The following WDR44 variants were observed in gnomAD, a reference collection of about 807,000 sequenced individuals.
The protein encoded by WDR44 is WD repeat domain 44.
WDR44 carries 9 observed loss-of-function variants against 65.7 expected under a neutral mutation model. The ratio of observed to expected loss-of-function variants is 0.14; its 90% confidence interval spans 0.08 to 0.24. WDR44 has a LOEUF of 0.24. WDR44 is among the 10% of genes least tolerant of loss of function. WDR44 has a pLI of 1.00. For synonymous variants in WDR44, 220 were observed against 235.2 expected (o/e 0.94, Z 0.59); for missense variants, 425 against 670.9 (o/e 0.63, Z 4.05).
intron 14 of WDR44, among the ~76,000 whole-genome samples, chrX:118,441,122 G>A (rs1354708779): frequency 9.2e-6 from 1 of 108,660 alleles, no homozygotes; most frequent in East Asian, 2.9e-4. Context: ...ACCATGCCCA[G>A]CTAATTTTTA....
At chrX:118,447,879 T>TAC (rs1303145973) in intron 19 of WDR44, among the ~76,000 whole-genome samples, 46 of 42,128 alleles carry the variant, frequency 1.1e-3, no homozygotes, top group Middle Eastern at 0.01. Flanking sequence ...ATCTAAAATA[T>TAC]ATATATATAT....
chrX:118,448,780 G>T, intron 19 of WDR44, 113 bp from the exon 20 acceptor site: 1 of 415,215 alleles, frequency 2.4e-6, no homozygotes. Context: ...CTGAAAAGGT[G>T]GGGAGATGAT....
intron 1 of WDR44, among the ~76,000 whole-genome samples, chrX:118,371,608 T>A (rs2147678781): frequency 8.9e-6 from 1 of 111,871 alleles, no homozygotes; most frequent in Non-Finnish European, 1.9e-5. Context: ...TCTTGAAATT[T>A]GTATTTTTGT....
chrX:118,378,902 G>C (rs911599417), intron 2 of WDR44, among the ~76,000 whole-genome samples: 3 of 107,522 alleles, frequency 2.8e-5, no homozygotes, highest in Non-Finnish European at 5.7e-5. Context: ...AAATTATCCA[G>C]GTGTGGTGGC....
At chrX:118,375,273 T>G (rs2056647457) in intron 1 of WDR44, among the ~76,000 whole-genome samples, 1 of 111,202 alleles carries the variant, frequency 9.0e-6, no homozygotes, top group Admixed American at 9.6e-5. Context: ...GTTTCTTCCC[T>G]TCTCTACCTC....
At chrX:118,426,935 G>A (rs2057162116) in intron 12 of WDR44, among the ~76,000 whole-genome samples, 1 of 111,125 alleles carries the variant, frequency 9.0e-6, no homozygotes, top group Non-Finnish European at 1.9e-5. Flanking sequence ...CTAACAGTTG[G>A]AAAATAAAAA....
intron 2 of WDR44, among the ~76,000 whole-genome samples, chrX:118,383,743 C>CA (rs1231857998): frequency 5.5e-5 from 5 of 90,740 alleles, no homozygotes; most frequent in African/African-American, 2.1e-4. Flanking sequence ...TTTTTGGAGA[C>CA]AGAGTCTCGC....
intron 1 of WDR44, among the ~76,000 whole-genome samples, chrX:118,370,900 T>C (rs997325652): frequency 9.0e-6 from 1 of 110,838 alleles, no homozygotes; most frequent in Non-Finnish European, 1.9e-5. Flanking sequence ...TTTTTTTTTT[T>C]TTAATAAATT....
intron 1 of WDR44, among the ~76,000 whole-genome samples, chrX:118,347,094 CG>C (rs1202957707): frequency 9.0e-6 from 1 of 111,559 alleles, no homozygotes; most frequent in African/African-American, 3.3e-5. Context: ...CGAAAAGGAG[CG>C]GGGGGAAGGT....
At chrX:118,373,405 G>C (rs2056631184) in intron 1 of WDR44, among the ~76,000 whole-genome samples, 1 of 111,547 alleles carries the variant, frequency 9.0e-6, no homozygotes, top group Non-Finnish European at 1.9e-5. Context: ...TTCAAAAATA[G>C]TTAAAATATT....
chrX:118,441,149 G>A (rs1366054614), intron 14 of WDR44, among the ~76,000 whole-genome samples: 6 of 109,149 alleles, frequency 5.5e-5, no homozygotes, highest in South Asian at 3.9e-4. Context: ...TACTAGAGAC[G>A]AGGTTTCACC....
intron 19 of WDR44, among the ~76,000 whole-genome samples, chrX:118,447,875 A>AAT (rs10570740): frequency 0.13 from 7,289 of 54,327 alleles, 594 homozygotes; most frequent in Non-Finnish European, 0.2. Context: ...CTCTATCTAA[A>AAT]ATATATATAT....
chrX:118,356,204 T>C (rs1027273143), intron 1 of WDR44, among the ~76,000 whole-genome samples: 1 of 112,267 alleles, frequency 8.9e-6, no homozygotes, highest in Non-Finnish European at 1.9e-5. Flanking sequence ...AGCTTTGACA[T>C]AATTGATTAC....
At chrX:118,442,749 G>A (rs1033870323) in intron 17 of WDR44, 69 bp downstream of exon 17, 3 of 873,708 alleles carry the variant, frequency 3.4e-6, no homozygotes, top group Non-Finnish European at 5.0e-6. Context: ...TTTTCCATTG[G>A]TCTATGCCTT....
chrX:118,358,327 T>C (rs2056481225), intron 1 of WDR44, among the ~76,000 whole-genome samples: 1 of 112,311 alleles, frequency 8.9e-6, no homozygotes, highest in East Asian at 2.8e-4. Context: ...TTTTTATATT[T>C]ATTTGACAAA....
At chrX:118,391,565 G>T (rs1482549878) in intron 3 of WDR44, among the ~76,000 whole-genome samples, 1 of 112,217 alleles carries the variant, frequency 8.9e-6, no homozygotes, top group African/African-American at 3.2e-5. Context: ...GTTGTTCATG[G>T]TTGGACATGG....
chrX:118,390,067 A>ATATTTATT (rs3048527), intron 3 of WDR44, among the ~76,000 whole-genome samples: 31 of 105,334 alleles, frequency 2.9e-4, no homozygotes, highest in East Asian at 1.5e-3. Context: ...CTAATTTTTT[A>ATATTTATT]TATTTATTTA....
intron 1 of WDR44, among the ~76,000 whole-genome samples, chrX:118,365,486 A>C (rs769214060): frequency 9.1e-6 from 1 of 109,793 alleles, no homozygotes; most frequent in South Asian, 4.0e-4. Flanking sequence ...CAGCCTAAGC[A>C]GCAGAGCAAG....
chrX:118,432,941 G>A, intron 13 of WDR44, 47 bp downstream of exon 13: 1 of 1,085,678 alleles, frequency 9.2e-7, no homozygotes, highest in Non-Finnish European at 1.3e-6. Context: ...CGTATAAGGA[G>A]CTGATGCTGT....
Sources: gnomAD v4.1 joint callset for allele counts (sites outside exome capture counted in the v4.1 genomes callset) on GRCh38, gnomAD v4.1.1 for gene constraint, MANE v1.5 for transcripts, NCBI Gene and HGNC (gene_info 2026-07-23, HGNC 2026-07-21) for gene names.